TBC1D5: variants seen among roughly 807,000 people sequenced by gnomAD.
TBC1D5 encodes TBC1 domain family member 5.
TBC1D5 carries 75 observed loss-of-function variants against 100.3 expected under a neutral mutation model. The observed-to-expected ratio is 0.75, with a 90% CI of 0.62 to 0.91. The LOEUF (loss-of-function observed/expected upper bound fraction) is 0.91. Ranked by LOEUF, TBC1D5 falls within the 40% of genes least tolerant of loss-of-function variation. The pLI, the probability that TBC1D5 is intolerant of heterozygous loss-of-function variation, is 0.00. For missense variants in TBC1D5, 910 were observed against 942.4 expected, an observed-to-expected ratio of 0.97 and a Z score of 0.45; for synonymous variants, 323 against 325.6, an observed-to-expected ratio of 0.99 and a Z score of 0.09.
At chr3:17,650,371 G>C (rs1277970065) in intron 1 of TBC1D5, among the ~76,000 whole-genome samples, 1 of 152,004 alleles carries the variant, frequency 6.6e-6, no homozygotes, top group African/African-American at 2.4e-5. Context: ...GGGTAGAGGT[G>C]GTCAGAAATG....
At chr3:17,434,125 T>A (rs2094493828) in intron 3 of TBC1D5, among the ~76,000 whole-genome samples, 1 of 152,190 alleles carries the variant, frequency 6.6e-6, no homozygotes, top group Non-Finnish European at 1.5e-5. Context: ...AGGTGCACAA[T>A]GCAAGCTGTC....
chr3:17,549,239 C>T (rs543762150), intron 2 of TBC1D5, among the ~76,000 whole-genome samples: 2 of 152,034 alleles, frequency 1.3e-5, no homozygotes, highest in Non-Finnish European at 2.9e-5. Context: ...AGGCAGAGGT[C>T]GCAGTGAGCC....
chr3:17,614,895 C>T (rs919228754), intron 2 of TBC1D5, among the ~76,000 whole-genome samples: 1 of 152,162 alleles, frequency 6.6e-6, no homozygotes, highest in Non-Finnish European at 1.5e-5. Flanking sequence ...TGCCTGATTG[C>T]CCTGGCCAGA....
At chr3:17,664,125 C>T (rs983294700) in intron 1 of TBC1D5, among the ~76,000 whole-genome samples, 14 of 151,974 alleles carry the variant, frequency 9.2e-5, no homozygotes, top group African/African-American at 2.7e-4. Flanking sequence ...GCTGGAGTGC[C>T]GTGGCATGAT....
intron 2 of TBC1D5, among the ~76,000 whole-genome samples, chr3:17,562,879 T>C (rs944124623): frequency 2.0e-5 from 3 of 152,224 alleles, no homozygotes; most frequent in Non-Finnish European, 2.9e-5. Context: ...CTGAAGTCTA[T>C]GTAGATTGTC....
Position 17,490,107 on chromosome 3 carries a change from G to GT in TBC1D5, c.97+18366dup, listed in dbSNP as rs2095619620. Among the ~76,000 whole-genome samples, 9 of 152,230 alleles carry GT rather than the reference G, an allele frequency of 5.9e-5. No homozygotes were observed. The South Asian group carries it at 1.7e-3, about 28-fold the overall frequency. Reference sequence around the variant, plus strand: ...TTTCTCTAATGATCAATGATGTTGAGTTTTTTTAGTATATCTTTTTGGCCA... The same window carrying GT: ...TTTCTCTAATGATCAATGATGTTGAGTTTTTTTTAGTATATCTTTTTGGCCA... On this transcript the variant is annotated intron_variant, in intron 3 of 21. Coordinates refer to ENST00000253692, the Ensembl canonical transcript of TBC1D5.
rs145939785 is a variant in TBC1D5, at chr3:17,535,954, T to C, written c.-35-27349A>G. On this transcript the variant is annotated intron_variant, in intron 2 of 21. Coordinates refer to ENST00000253692, the Ensembl canonical transcript of TBC1D5. ...TCTCAATAATCCCCACATTTAAAGATTGTACAAGTACCCACTAACAGTAAA... is the reference window on the plus strand; with the variant it reads ...TCTCAATAATCCCCACATTTAAAGACTGTACAAGTACCCACTAACAGTAAA... 7.1e-3 allele frequency among the ~76,000 whole-genome samples: 1,075 copies of C among 152,262 alleles called. 10 individuals carry two copies. Among genetic ancestry groups the C allele is most frequent in the African/African-American group, 0.024 (1,009 of 41,562 alleles).
chr3:17,650,682 T>A (rs1352198578), intron 1 of TBC1D5, among the ~76,000 whole-genome samples: 3 of 152,160 alleles, frequency 2.0e-5, no homozygotes, highest in African/African-American at 7.2e-5. Context: ...AGTATTCCCC[T>A]TCCTACACCT....
chr3:17,512,306 TTTTA>T (rs1443839820), intron 2 of TBC1D5, among the ~76,000 whole-genome samples: 2 of 151,984 alleles, frequency 1.3e-5, no homozygotes, highest in Admixed American at 1.3e-4. Context: ...AATTAAGAGA[TTTTA>T]TTTAGTCTAA....
At chr3:17,426,930 AC>A (rs1034921682) in intron 4 of TBC1D5, among the ~76,000 whole-genome samples, 5 of 151,978 alleles carry the variant, frequency 3.3e-5, no homozygotes, top group Non-Finnish European at 5.9e-5. Context: ...CTAATAAATT[AC>A]TATCATAGAT....
intron 1 of TBC1D5, among the ~76,000 whole-genome samples, chr3:17,732,476 T>C (rs1376526931): frequency 6.6e-6 from 1 of 152,154 alleles, no homozygotes; most frequent in Non-Finnish European, 1.5e-5. Flanking sequence ...CTCAGCACTT[T>C]GGGAGGCCAA....
intron 1 of TBC1D5, among the ~76,000 whole-genome samples, chr3:17,705,763 A>C (rs1169061688): frequency 7.5e-6 from 1 of 132,768 alleles, no homozygotes; most frequent in Non-Finnish European, 1.6e-5. Flanking sequence ...CACTTTCCAG[A>C]CTGGGCAGCC....
At chr3:17,604,788 C>A (rs148687725) in intron 2 of TBC1D5, among the ~76,000 whole-genome samples, 1 of 152,302 alleles carries the variant, frequency 6.6e-6, no homozygotes, top group Non-Finnish European at 1.5e-5. Context: ...AATTCTCATG[C>A]CTCAGCCTCC....
chr3:17,511,234 G>A (rs2095902566), intron 2 of TBC1D5, among the ~76,000 whole-genome samples: 1 of 151,890 alleles, frequency 6.6e-6, no homozygotes, highest in Non-Finnish European at 1.5e-5. Context: ...TGGCCCATGG[G>A]CAACTATCTT....
chr3:17,713,523 T>A (rs971160208), intron 1 of TBC1D5, among the ~76,000 whole-genome samples: 5 of 152,196 alleles, frequency 3.3e-5, no homozygotes, highest in African/African-American at 9.6e-5. Context: ...ATTACAGGCA[T>A]GAGCCACTGT....
At chr3:17,360,632 AT>A (rs1164124428) in intron 13 of TBC1D5, among the ~76,000 whole-genome samples, 5 of 151,958 alleles carry the variant, frequency 3.3e-5, no homozygotes, top group Admixed American at 6.6e-5. Context: ...AAAACTATGA[AT>A]TTAGTGACAT....
At chr3:17,163,899 G>A (rs985082828) in intron 21 of TBC1D5, among the ~76,000 whole-genome samples, 2 of 152,100 alleles carry the variant, frequency 1.3e-5, no homozygotes, top group Non-Finnish European at 2.9e-5. Context: ...GACAATATGC[G>A]GATTAAAACA....
intron 17 of TBC1D5, among the ~76,000 whole-genome samples, chr3:17,219,755 G>A (rs2074066967): frequency 6.6e-6 from 1 of 152,016 alleles, no homozygotes; most frequent in African/African-American, 2.4e-5. Context: ...GAGGGTGACA[G>A]GAATAGGGTA....
chr3:17,610,546 A>G (rs1302862626), intron 2 of TBC1D5, among the ~76,000 whole-genome samples: 1 of 152,228 alleles, frequency 6.6e-6, no homozygotes, highest in Non-Finnish European at 1.5e-5. Context: ...CTTACTAATA[A>G]GCACTCAGCG....
Sources: allele counts gnomAD v4.1 joint callset (sites outside exome capture counted in the v4.1 genomes callset), GRCh38; gene constraint gnomAD v4.1.1; transcripts MANE v1.5; gene names NCBI Gene and HGNC (gene_info 2026-07-23, HGNC 2026-07-21).